The following HIVEP2 variants were observed in gnomAD, a reference collection of about 807,000 sequenced individuals.
HIVEP2 encodes HIVEP zinc finger 2.
In HIVEP2, 14 loss-of-function variants were observed where a neutral mutation model predicts 180.7. The ratio of observed to expected loss-of-function variants is 0.08; its 90% CI spans 0.05 to 0.12. The LOEUF is 0.12. Ranked by LOEUF, HIVEP2 falls within the 10% of genes least tolerant of loss-of-function variation. The probability of loss-of-function intolerance (pLI) is 1.00; values close to 1 mark genes in which losing one functional copy is unlikely to be tolerated. For missense variants in HIVEP2, 2,579 were observed against 3,008.5 expected, an observed-to-expected ratio of 0.86 and a Z score of 3.34; for synonymous variants, 1,184 against 1,136.4, an observed-to-expected ratio of 1.04 and a Z score of -0.84.
chr6:142,940,789 G>A (rs189591524), intron 1 of HIVEP2, among the ~76,000 whole-genome samples: 1 of 152,300 alleles, frequency 6.6e-6, no homozygotes, highest in Non-Finnish European at 1.5e-5. Context: ...CTGAATAGAG[G>A]ATTAAGATTA....
At chr6:142,822,356 A>G (rs1777063645) in intron 2 of HIVEP2, among the ~76,000 whole-genome samples, 1 of 152,346 alleles carries the variant, frequency 6.6e-6, no homozygotes, top group Non-Finnish European at 1.5e-5. Flanking sequence ...AGTAATATAC[A>G]TAATTCTTTA....
chr6:142,798,805 A>G (rs1296970865), intron 2 of HIVEP2, among the ~76,000 whole-genome samples: 1 of 152,160 alleles, frequency 6.6e-6, no homozygotes, highest in Non-Finnish European at 1.5e-5. Flanking sequence ...TTTCTTTATT[A>G]TGAAATGGGA....
At chr6:142,758,284 T>C (rs1035509832) in intron 9 of HIVEP2, among the ~76,000 whole-genome samples, 2 of 152,208 alleles carry the variant, frequency 1.3e-5, no homozygotes, top group Non-Finnish European at 2.9e-5. Context: ...AATTGCTTCA[T>C]CAAGATGAAG....
chr6:142,761,617 A>T, intron 7 of HIVEP2, 52 bp from the exon 8 acceptor site: 2 of 934,782 alleles, frequency 2.1e-6, no homozygotes, highest in Non-Finnish European at 3.5e-6. Flanking sequence ...TCAAATTAAT[A>T]ACTGCTGATA....
rs751162519 is a variant in HIVEP2, at chr6:142,771,387, C to G, written c.3352G>C (p.Gly1118Arg). 1 of 1,612,994 alleles carries G rather than the reference C, an allele frequency of 6.2e-7. No homozygotes were observed. The highest frequency in any genetic ancestry group is 8.5e-7 in the Non-Finnish European group (1 of 1,179,942). ...LEHLHAGLRS[G>R]WHHGPPAVLP... ...ACAGCAGGCGGGCCATGGTGCCACC[C>G]GGACCGGAGGCCAGCATGCAGGTGC... Residue 1118 changes from glycine (G) to arginine (R), a missense_variant, in exon 5 of 10, where the codon GGG becomes CGG. This residue lies in a region of HIVEP2 where 523 missense variants were observed against 577.0 expected (regional missense o/e 0.91). Transcript: ENST00000367603. The surrounding 1 kb of genome is among the most constrained non-coding windows in gnomAD (Gnocchi z 5.4).
rs761192737 is a variant in HIVEP2 at position 142,753,056 on chromosome 6, AAAAC to A, written c.*47_*50del. The stretch of plus-strand genomic sequence containing the variant: ...GATTACCTCCATTTCTAGAAAAACA[AAAAC>A]AAAAAAATGGGAAAATGTGGAAATG... On this transcript the variant is annotated 3_prime_UTR_variant, in exon 10 of 10. Transcript: ENST00000367603. 14 of 1,214,788 alleles carry A rather than the reference AAAAC, an allele frequency of 1.2e-5. No individual in the cohort carries two copies. The highest frequency in any genetic ancestry group is 1.7e-5 in the Non-Finnish European group (14 of 822,456). The allele number at this position is 1,214,788 out of a possible 1,614,324, so 75.3% of individuals were successfully genotyped here.
rs190660364 is a variant in HIVEP2, at chr6:142,922,718, C to T, written c.-641+22381G>A. Among the ~76,000 whole-genome samples the T allele has an allele frequency of 4.1e-4, 63 of 152,296 alleles. 1 individual carries two copies. The highest frequency in any genetic ancestry group is 2.7e-3 in the Admixed American group (42 of 15,300). On this transcript the variant is annotated intron_variant, in intron 1 of 9. Transcript: ENST00000367603. Reference sequence around the variant, plus strand: ...TGAAACCCACAGTTCTGGTCCCACTCTATACTGACTGCCTCTTTTCCAGTC... The same window carrying T: ...TGAAACCCACAGTTCTGGTCCCACTTTATACTGACTGCCTCTTTTCCAGTC...
intron 1 of HIVEP2, among the ~76,000 whole-genome samples, chr6:142,863,007 T>TTATATATTACATACAATATGTAA (rs1776043716): frequency 1.4e-5 from 2 of 142,088 alleles, no homozygotes; most frequent in Non-Finnish European, 3.0e-5. Flanking sequence ...ATTACATATA[T>TTATATATTACATACAATATGTAA]TATATATTAC....
intron 1 of HIVEP2, among the ~76,000 whole-genome samples, chr6:142,854,589 C>T (rs1775770354): frequency 1.3e-5 from 2 of 152,138 alleles, no homozygotes; most frequent in Non-Finnish European, 2.9e-5. Context: ...TTGAAGATGT[C>T]CAATCAAGAC....
In HIVEP2 at chr6:142,770,989, T is replaced by A; in HGVS notation, c.3750A>T (p.Glu1250Asp). The part of the protein sequence containing the change: ...KSYGKPSFQT[E>D]IHSSYPLEHV... ...GCTCTAAGGGATAGCTCGAATGGAT[T>A]TCTGTCTGAAAAGAGGGCTTGCCAT... The change falls in exon 5 of 10, where the codon GAA becomes GAT. Residue 1250 changes from glutamate (E) to aspartate (D), a missense_variant. Glu to Asp is a conservative substitution (Grantham distance 45). Transcript: ENST00000367603. This position sits in a 1 kb window ranked among gnomAD's most constrained non-coding sequence, Gnocchi z 4.7. The A allele has an allele frequency of 6.2e-7, 1 of 1,614,174 alleles. No homozygotes were observed.
chr6:142,772,878 A>G lies in HIVEP2; in HGVS notation c.1861T>C (p.Ser621Pro). The change falls in exon 5 of 10, where the codon TCA becomes CCA. Residue 621 changes from serine (S) to proline (P), a missense_variant. Ser to Pro is a moderately conservative substitution (Grantham distance 74, BLOSUM62 -1). Coordinates refer to ENST00000367603, the MANE Select transcript of HIVEP2 (RefSeq NM_006734.4). This position sits in a 1 kb window ranked among gnomAD's most constrained non-coding sequence, Gnocchi z 4.9. ...GACAATTTCTTTTCCTTCAGGGATG[A>G]ACTGCTGATACCCTTCAACATCCTG... ...HGRMLKGISS[S>P]SLKEKKLSPG... The G allele has an allele frequency of 6.2e-7, 1 of 1,614,208 alleles. No homozygotes were observed. Among genetic ancestry groups the G allele is most frequent in the Non-Finnish European group, 8.5e-7 (1 of 1,180,044 alleles).
chr6:142,882,194 A>G (rs933048237), intron 1 of HIVEP2, among the ~76,000 whole-genome samples: 1 of 152,236 alleles, frequency 6.6e-6, no homozygotes, highest in Non-Finnish European at 1.5e-5. Flanking sequence ...TAGGCCTTAT[A>G]TTCTTCATCT....
At chr6:142,929,592 T>G (rs1345946356) in intron 1 of HIVEP2, among the ~76,000 whole-genome samples, 1 of 152,182 alleles carries the variant, frequency 6.6e-6, no homozygotes, top group African/African-American at 2.4e-5. Flanking sequence ...CACTTTCTCT[T>G]TAGAAAAAAA....
chr6:142,846,331 G>C (rs1233104004), intron 1 of HIVEP2, among the ~76,000 whole-genome samples: 1 of 152,090 alleles, frequency 6.6e-6, no homozygotes, highest in Non-Finnish European at 1.5e-5. Context: ...TGTCTGCAAA[G>C]GCAGACACCA....
At position 142,855,882 on chromosome 6, in the gene HIVEP2, G is replaced by A. The variant is rs535650738; in HGVS notation, c.-640-18835C>T. ...ACTATGGTGGAGGCATATATAAGAA[G>A]TGAAAGTATTCTTTCACTTATTTCT... On this transcript the variant is annotated intron_variant, in intron 1 of 9. Transcript: ENST00000367603. Among the ~76,000 whole-genome samples the A allele has an allele frequency of 2.9e-5, 4 of 136,250 alleles. No individual in the cohort carries two copies. The South Asian group carries it at 9.8e-4, about 33-fold the overall frequency. 89.4% of individuals were successfully genotyped at this position (136,250 alleles called of 152,430 possible). A position where few individuals can be genotyped will look rare whatever the true frequency, so the allele number is the denominator to read the frequency against.
chr6:142,890,452 T>C (rs969808003), intron 1 of HIVEP2, among the ~76,000 whole-genome samples: 7 of 152,226 alleles, frequency 4.6e-5, no homozygotes, highest in Non-Finnish European at 8.8e-5. Context: ...TTCATTTCCC[T>C]GTACACATTT....
intron 1 of HIVEP2, among the ~76,000 whole-genome samples, chr6:142,869,263 T>A (rs184251509): frequency 4.6e-5 from 7 of 152,304 alleles, no homozygotes; most frequent in East Asian, 3.9e-4. Flanking sequence ...ACTGATAGTA[T>A]GTCATGCTTT....
At chr6:142,787,734 T>A (rs1776040815) in intron 2 of HIVEP2, among the ~76,000 whole-genome samples, 1 of 152,102 alleles carries the variant, frequency 6.6e-6, no homozygotes, top group Non-Finnish European at 1.5e-5. Flanking sequence ...TAAGCTTAGA[T>A]CTTCAGAAAT....
intron 1 of HIVEP2, among the ~76,000 whole-genome samples, chr6:142,878,996 A>G (rs1776516025): frequency 6.6e-6 from 1 of 152,154 alleles, no homozygotes; most frequent in Non-Finnish European, 1.5e-5. Context: ...CTGATCCTCT[A>G]TTATGTTATT....
Sources: allele counts gnomAD v4.1 joint callset (sites outside exome capture counted in the v4.1 genomes callset), GRCh38; gene constraint gnomAD v4.1.1; regional missense constraint gnomAD v4.1.1; non-coding constraint Gnocchi (gnomAD v3.1); transcripts MANE v1.5; gene names NCBI Gene and HGNC (gene_info 2026-07-23, HGNC 2026-07-21).